C1orf141: variants seen among roughly 807,000 people sequenced by gnomAD.
C1orf141 encodes uncharacterized protein C1orf141.
A neutral mutation model predicts 23.2 loss-of-function variants in C1orf141; 19 were observed. That is an observed-to-expected ratio of 0.82 (90% CI 0.57 to 1.20). The LOEUF is 1.20. Among genes scored for constraint, C1orf141 ranks in the 50% most tolerant of loss-of-function variants. The pLI is 0.00. For synonymous variants in C1orf141, 153 were observed against 154.6 expected (o/e 0.99, Z 0.08); for missense variants, 469 against 455.1 (o/e 1.03, Z -0.28).
intron 5 of C1orf141, chr1:67,103,377 T>C: frequency 7.2e-7 from 1 of 1,379,944 alleles, no homozygotes; most frequent in Non-Finnish European, 9.5e-7. Flanking sequence ...GCCCTGCATT[T>C]TCCATCTAAA....
At chr1:67,098,684 A>G (rs1645738393) in intron 5 of C1orf141, among the ~76,000 whole-genome samples, 1 of 152,234 alleles carries the variant, frequency 6.6e-6, no homozygotes, top group South Asian at 2.1e-4. Context: ...GTATATTAGC[A>G]TGCGTCATAG....
intron 4 of C1orf141, chr1:67,122,786 T>C (rs1246554237): frequency 1.3e-5 from 2 of 152,252 alleles, no homozygotes; most frequent in Non-Finnish European, 2.9e-5. Context: ...CTATAGTTTC[T>C]TCTTGATTAC....
chr1:67,113,552 A>G, intron 5 of C1orf141: 1 of 319,786 alleles, frequency 3.1e-6, no homozygotes, highest in South Asian at 3.0e-5. Context: ...TTTAGTACAG[A>G]CAGGGTTTCG....
intron 5 of C1orf141, among the ~76,000 whole-genome samples, chr1:67,096,796 G>A (rs1425942303): frequency 6.6e-6 from 1 of 152,196 alleles, no homozygotes; most frequent in African/African-American, 2.4e-5. Flanking sequence ...ATTAGTAACA[G>A]TTTTAGCTTT....
At position 67,127,258 on chromosome 1, in the gene C1orf141, C is replaced by A; in HGVS notation, c.-17-1G>T. 6.5e-7 allele frequency: 1 copy of A among 1,537,098 alleles called. No individual in the cohort carries two copies. Among genetic ancestry groups the A allele is most frequent in the Non-Finnish European group, 8.9e-7 (1 of 1,118,666 alleles). ...TCTGCCATTGTCAATCACTAAATTC[C>A]TATTTTAAAATAAGGAGGAAGAAGA... On this transcript the variant is annotated splice_acceptor_variant, in intron 2 of 7. Transcript: ENST00000684719. LOFTEE classifies it low-confidence loss of function (5UTR_SPLICE).
upstream of C1orf141, among the ~76,000 whole-genome samples, chr1:67,135,528 T>C (rs1397529251): frequency 2.0e-5 from 3 of 152,178 alleles, no homozygotes; most frequent in Non-Finnish European, 4.4e-5. Flanking sequence ...TTAGCATTTT[T>C]ATGAGACATA....
At chr1:67,124,200 C>G (rs1310630494) in intron 4 of C1orf141, among the ~76,000 whole-genome samples, 1 of 152,216 alleles carries the variant, frequency 6.6e-6, no homozygotes. Context: ...TAGTACAAAA[C>G]TGCTACATGA....
At chr1:67,109,591 C>T (rs1271007910) in intron 5 of C1orf141, among the ~76,000 whole-genome samples, 1 of 152,146 alleles carries the variant, frequency 6.6e-6, no homozygotes. Flanking sequence ...TTGGAGGCTG[C>T]AGATCTTAGT....
At chr1:67,124,619 C>T (rs112979698) in intron 4 of C1orf141, among the ~76,000 whole-genome samples, 34 of 152,250 alleles carry the variant, frequency 2.2e-4, no homozygotes, top group African/African-American at 8.2e-4. Context: ...ATGCCCGGCC[C>T]ACAAATGTCA....
At chr1:67,134,297 C>T (rs1468375505) in intron 1 of C1orf141, among the ~76,000 whole-genome samples, 1 of 146,530 alleles carries the variant, frequency 6.8e-6, no homozygotes, top group Non-Finnish European at 1.5e-5. Context: ...AGCCAACGCG[C>T]CGGCCTGGAA....
Position 67,131,839 on chromosome 1 carries a change from C to T in C1orf141, c.-103-612G>A, listed in dbSNP as rs193042805. On this transcript the variant is annotated intron_variant, in intron 1 of 7. Coordinates refer to ENST00000684719, the MANE Select transcript of C1orf141 (RefSeq NM_001276351.2). ...GAGTCTCGCAGTCTAGGCTGGAGTG[C>T]GGTGGCACAATCTTGGCTCACTGCA... Among the ~76,000 whole-genome samples, 45 of 136,584 alleles carry T rather than the reference C, an allele frequency of 3.3e-4. No individual in the cohort carries two copies. In the East Asian group the frequency reaches 4.7e-3, roughly 14 times the overall value. The allele number at this position is 136,584 out of a possible 152,430, so 89.6% of individuals were successfully genotyped here.
chr1:67,100,878 G>C (rs1645781941), intron 5 of C1orf141, among the ~76,000 whole-genome samples: 1 of 152,194 alleles, frequency 6.6e-6, no homozygotes, highest in Admixed American at 6.5e-5. Context: ...TGCTAAGGAA[G>C]CTGGAGCCCT....
At chr1:67,118,866 C>T (rs1646248468) in intron 4 of C1orf141, among the ~76,000 whole-genome samples, 1 of 152,164 alleles carries the variant, frequency 6.6e-6, no homozygotes, top group Admixed American at 6.5e-5. Flanking sequence ...ACCCAATCTG[C>T]TGGAACTTTG....
intron 4 of C1orf141, among the ~76,000 whole-genome samples, chr1:67,115,942 T>C (rs187746306): frequency 4.6e-5 from 7 of 152,296 alleles, no homozygotes; most frequent in African/African-American, 1.2e-4. Flanking sequence ...TATTACATAA[T>C]TGATACTCTT....
Position 67,095,365 on chromosome 1 carries a change from T to C in C1orf141, c.473A>G (p.Asn158Ser), listed in dbSNP as rs1020354813. ...FNIKENKSVR[N>S]YQLSKYRSVR... ...TGACCTATACTTACTTAATTGATAA[T>C]TTCTGACCGATTTGTTTTCTTTTAT... Residue 158 changes from asparagine to serine, a missense_variant, in exon 7 of 8, where the codon AAT (asparagine) becomes AGT (serine). By Grantham distance (46) the Asn-to-Ser change is conservative. Transcript: ENST00000684719. The C allele has an allele frequency of 6.4e-7, 1 of 1,568,344 alleles. No homozygotes were observed. The highest frequency in any genetic ancestry group is 1.2e-5 in the South Asian group (1 of 85,630).
intron 2 of C1orf141, among the ~76,000 whole-genome samples, 172 bp downstream of exon 2, chr1:67,130,970 A>T (rs1558208247): frequency 6.6e-6 from 1 of 152,234 alleles, no homozygotes; most frequent in Non-Finnish European, 1.5e-5. Flanking sequence ...ATTATATTTC[A>T]TAAGTTCATC....
At chr1:67,101,215 T>C (rs4655515) in intron 5 of C1orf141, among the ~76,000 whole-genome samples, 104,235 of 151,892 alleles carry the variant, frequency 0.69, 36,129 homozygotes, top group East Asian at 0.79. Context: ...AAGTCCCTGC[T>C]CCTTCAAGTT....
intron 5 of C1orf141, among the ~76,000 whole-genome samples, chr1:67,098,803 G>A (rs1885280): frequency 0.1 from 15,223 of 151,946 alleles, 1,188 homozygotes; most frequent in African/African-American, 0.22. Flanking sequence ...CTAGTATTCA[G>A]TAAAAACAGA....
Position 67,093,493 on chromosome 1 carries a change from G to A in C1orf141, c.715C>T (p.Pro239Ser). Residue 239 changes from proline to serine, a missense_variant, in exon 8 of 8, where the codon CCA becomes TCA. Pro to Ser is a moderately conservative substitution (Grantham distance 74). Transcript: ENST00000684719. Reference sequence around the variant, plus strand: ...AAAATGAAATTTGTTCTTTTATGTGGGTAAATGTTTTCATTTTCCAAAGGA... The same window carrying A: ...AAAATGAAATTTGTTCTTTTATGTGAGTAAATGTTTTCATTTTCCAAAGGA... ...SHPLENENIYPHKRTNFILER... is the reference protein window; with the variant it reads ...SHPLENENIYSHKRTNFILER... 6.2e-7 allele frequency: 1 copy of A among 1,607,822 alleles called. No individual in the cohort carries two copies. The highest frequency in any genetic ancestry group is 8.5e-7 in the Non-Finnish European group (1 of 1,175,444).
Sources: gnomAD v4.1 joint callset for allele counts (sites outside exome capture counted in the v4.1 genomes callset) on GRCh38, gnomAD v4.1.1 for gene constraint, MANE v1.5 for transcripts, NCBI Gene and HGNC (gene_info 2026-07-23, HGNC 2026-07-21) for gene names.